Variants in CCDC62 observed in about 807,000 individuals in gnomAD.
CCDC62 encodes coiled-coil domain containing 62.
In CCDC62, 72 loss-of-function variants were observed where a neutral mutation model predicts 80.8. The ratio of observed to expected loss-of-function variants is 0.89; its 90% CI spans 0.74 to 1.08. The LOEUF is 1.08. Among genes scored for constraint, CCDC62 ranks in the 50% least tolerant of loss-of-function variants. CCDC62 has a pLI of 0.00. For missense variants in CCDC62, 704 were observed against 809.4 expected (o/e 0.87, Z 1.58); for synonymous variants, 286 against 296.5 (o/e 0.96, Z 0.36).
At chr12:122,812,769 GAGAGAGAGAGAAAGAA>G (rs1254310553) in intron 10 of CCDC62, among the ~76,000 whole-genome samples, 3 of 65,248 alleles carry the variant, frequency 4.6e-5, no homozygotes, top group Admixed American at 1.7e-4. Flanking sequence ...GAGAGAGAGA[GAGAGAGAGAGAAAGAA>G]AGAAAGAAAG....
At chr12:122,794,742 G>A (rs1416474512) in intron 6 of CCDC62, among the ~76,000 whole-genome samples, 2 of 152,002 alleles carry the variant, frequency 1.3e-5, no homozygotes, top group African/African-American at 2.4e-5. Flanking sequence ...CTGCAGCCTC[G>A]ACTGTCTGGG....
Position 122,797,465 on chromosome 12 carries a change from G to A in CCDC62, c.861+70G>A. 3 of 825,434 alleles carry A rather than the reference G, an allele frequency of 3.6e-6. No individual in the cohort carries two copies. The South Asian group carries it at 4.3e-5, about 12-fold the overall frequency. 51.1% of individuals were successfully genotyped at this position (825,434 alleles called of 1,614,324 possible). On this transcript the variant is annotated intron_variant, in intron 7 of 12. Transcript: ENST00000253079. ...AAACAAATAGCAAATTAGGAAAAAT[G>A]TATGCCCGTCGATTTTGTTTAATTG... is the stretch of plus-strand genomic sequence containing the variant.
chr12:122,800,442 T>C (rs2135558136), intron 8 of CCDC62, among the ~76,000 whole-genome samples: 1 of 151,644 alleles, frequency 6.6e-6, no homozygotes, highest in South Asian at 2.1e-4. Context: ...TTTTTTTTTT[T>C]TGAGATGGAG....
rs890177173 is a variant in CCDC62, at chr12:122,806,060, T to C, written c.1707-91T>C. On this transcript the variant is annotated intron_variant, in intron 9 of 12. Coordinates refer to ENST00000253079, the MANE Select transcript of CCDC62 (RefSeq NM_201435.5). ...CTGCTTCAATAACAAAAACACTTATTTGTCCTTTTAAGATACTTTTGAGTA... is the reference window on the plus strand; with the variant it reads ...CTGCTTCAATAACAAAAACACTTATCTGTCCTTTTAAGATACTTTTGAGTA... 25 of 1,180,716 alleles carry C rather than the reference T, an allele frequency of 2.1e-5. No homozygotes were observed. In the East Asian group the frequency reaches 4.6e-4, roughly 22 times the overall value. The allele number at this position is 1,180,716 out of a possible 1,614,324, so 73.1% of individuals were successfully genotyped here. A position where few individuals can be genotyped will look rare whatever the true frequency, so the allele number is the denominator to read the frequency against.
At position 122,827,316 on chromosome 12, in the gene CCDC62, A is replaced by T. The variant is rs2032674008; in HGVS notation, c.*935A>T. 6.6e-6 allele frequency: 1 copy of T among 152,138 alleles called. No individual in the cohort carries two copies. Among genetic ancestry groups the T allele is most frequent in the African/African-American group, 2.4e-5 (1 of 41,430 alleles). 9.4% of individuals were successfully genotyped at this position (152,138 alleles called of 1,614,324 possible). On this transcript the variant is annotated 3_prime_UTR_variant, in exon 13 of 13. Coordinates refer to ENST00000253079, the MANE Select transcript of CCDC62 (RefSeq NM_201435.5). ...CAAGTTAATTTCCTCAGGAATGGGG[A>T]TGTATTTTTTTAAGCATTGCAGATA... is the stretch of plus-strand genomic sequence containing the variant.
chr12:122,818,826 G>A (rs757246466), intron 11 of CCDC62, among the ~76,000 whole-genome samples: 4 of 152,058 alleles, frequency 2.6e-5, no homozygotes, highest in Non-Finnish European at 5.9e-5. Context: ...GGCTGAGGTA[G>A]GAGGATCATG....
intron 8 of CCDC62, among the ~76,000 whole-genome samples, chr12:122,799,398 C>T (rs839359): frequency 0.068 from 10,284 of 152,068 alleles, 1,070 homozygotes; most frequent in African/African-American, 0.23. Flanking sequence ...GCATGGCACT[C>T]GCCCAAAAGA....
At chr12:122,800,753 A>G (rs1348000035) in intron 8 of CCDC62, among the ~76,000 whole-genome samples, 1 of 123,226 alleles carries the variant, frequency 8.1e-6, no homozygotes, top group Non-Finnish European at 1.8e-5. Context: ...TTAAGCATAA[A>G]ATAGTTTATA....
Position 122,813,260 on chromosome 12 carries a change from T to C in CCDC62, c.1852-10T>C. 1 of 1,593,268 alleles carries C rather than the reference T, an allele frequency of 6.3e-7. No individual in the cohort carries two copies. The highest frequency in any genetic ancestry group is 8.5e-7 in the Non-Finnish European group (1 of 1,169,886). On this transcript the variant is annotated splice_polypyrimidine_tract_variant and intron_variant, in intron 10 of 12. Coordinates refer to ENST00000253079, the MANE Select transcript of CCDC62 (RefSeq NM_201435.5). ...CTAAGCATTTAAAGGTGCCTCTTAA[T>C]TTCCTGTAGGCTTCAATTGTGTTAC...
intron 10 of CCDC62, among the ~76,000 whole-genome samples, chr12:122,810,307 T>C (rs1286941323): frequency 1.3e-5 from 2 of 151,948 alleles, no homozygotes; most frequent in Non-Finnish European, 2.9e-5. Context: ...TACAATGAAC[T>C]CCAACAAATT....
intron 9 of CCDC62, among the ~76,000 whole-genome samples, chr12:122,805,897 C>T (rs942049811): frequency 1.3e-5 from 2 of 152,126 alleles, no homozygotes; most frequent in South Asian, 4.1e-4. Context: ...TCGTGATCCA[C>T]CCAGATCAGC....
At chr12:122,800,686 C>T (rs781608439) in intron 8 of CCDC62, among the ~76,000 whole-genome samples, 7 of 152,106 alleles carry the variant, frequency 4.6e-5, no homozygotes, top group Non-Finnish European at 1.0e-4. Context: ...CTCAGCCTCC[C>T]AAAGTACCGG....
intron 9 of CCDC62, among the ~76,000 whole-genome samples, chr12:122,805,342 TC>T (rs1197907451): frequency 6.4e-5 from 9 of 140,182 alleles, no homozygotes; most frequent in Non-Finnish European, 1.2e-4. Context: ...TTGTCTTAAT[TC>T]TTTTTTTTTT....
chr12:122,800,895 C>A (rs1467439660), intron 8 of CCDC62, among the ~76,000 whole-genome samples: 1 of 152,066 alleles, frequency 6.6e-6, no homozygotes, highest in African/African-American at 2.4e-5. Context: ...CTGCAGTATT[C>A]TTTTTTTCTC....
At chr12:122,825,233 T>A (rs984833314) in intron 12 of CCDC62, among the ~76,000 whole-genome samples, 6 of 151,690 alleles carry the variant, frequency 4.0e-5, no homozygotes, top group African/African-American at 1.5e-4. Context: ...TGGAGTGCAG[T>A]GGTGCAATCT....
chr12:122,799,997 CT>C (rs1256760080), intron 8 of CCDC62, among the ~76,000 whole-genome samples: 2 of 151,902 alleles, frequency 1.3e-5, no homozygotes, highest in Non-Finnish European at 2.9e-5. Context: ...GCTCTTTCTT[CT>C]TTTTCCTTTT....
chr12:122,781,599 C>T (rs975348195), intron 3 of CCDC62, among the ~76,000 whole-genome samples: 3 of 151,690 alleles, frequency 2.0e-5, no homozygotes, highest in South Asian at 2.1e-4. Context: ...GCAGGAGAAT[C>T]GTTTGAACCC....
intron 4 of CCDC62, among the ~76,000 whole-genome samples, chr12:122,788,384 G>T (rs1037112554): frequency 2.6e-5 from 4 of 152,170 alleles, no homozygotes; most frequent in Non-Finnish European, 4.4e-5. Flanking sequence ...CCATCCAGGG[G>T]CCACCCACCC....
chr12:122,791,480 C>CA (rs1399240304), intron 5 of CCDC62, among the ~76,000 whole-genome samples: 2 of 151,438 alleles, frequency 1.3e-5, no homozygotes, highest in Admixed American at 6.6e-5. Flanking sequence ...GATGGAGTCT[C>CA]ACTCTGTTGT....
Sources: gnomAD v4.1 joint callset for allele counts (sites outside exome capture counted in the v4.1 genomes callset) on GRCh38, gnomAD v4.1.1 for gene constraint, MANE v1.5 for transcripts, NCBI Gene and HGNC (gene_info 2026-07-23, HGNC 2026-07-21) for gene names.